DAPK1: variants seen among roughly 807,000 people sequenced by gnomAD.
The protein encoded by DAPK1 is death associated protein kinase 1.
In DAPK1, 56 loss-of-function variants were observed where a neutral mutation model predicts 144.9. The observed-to-expected ratio is 0.39, with a 90% CI of 0.31 to 0.48. The LOEUF is 0.48. Among genes scored for constraint, DAPK1 ranks in the 20% least tolerant of loss-of-function variants. The probability of loss-of-function intolerance (pLI) is 0.95; values close to 1 mark genes in which losing one functional copy is unlikely to be tolerated. For synonymous variants in DAPK1, 690 were observed against 749.0 expected (o/e 0.92, Z 1.29); for missense variants, 1,454 against 1,875.4 (o/e 0.78, Z 4.15).
At chr9:87,704,801 G>C (rs890229832) in intron 25 of DAPK1, among the ~76,000 whole-genome samples, 14 of 152,182 alleles carry the variant, frequency 9.2e-5, no homozygotes, top group Non-Finnish European at 1.8e-4. Flanking sequence ...GTTTAAGCCA[G>C]ACTGTGGGCA....
intron 10 of DAPK1, 54 bp from the exon 11 acceptor site, chr9:87,643,322 C>T (rs1830158275): frequency 5.4e-6 from 6 of 1,109,644 alleles, no homozygotes; most frequent in Non-Finnish European, 7.7e-6. Context: ...CTCCTCTCAC[C>T]CTGCCTTTTT....
intron 2 of DAPK1, among the ~76,000 whole-genome samples, chr9:87,525,810 C>T (rs1244641514): frequency 6.6e-6 from 1 of 152,122 alleles, no homozygotes; most frequent in Admixed American, 6.5e-5. Flanking sequence ...CTCCCTCTTG[C>T]CTTCTGCCTG....
intron 2 of DAPK1, among the ~76,000 whole-genome samples, chr9:87,604,045 C>T (rs1828622136): frequency 6.6e-6 from 1 of 152,132 alleles, no homozygotes; most frequent in Admixed American, 6.5e-5. Flanking sequence ...CGGGGCTGAT[C>T]CAGTGACTCC....
At chr9:87,559,305 C>G (rs1400971691) in intron 2 of DAPK1, among the ~76,000 whole-genome samples, 2 of 150,724 alleles carry the variant, frequency 1.3e-5, no homozygotes, top group Non-Finnish European at 2.9e-5. Flanking sequence ...CTAGGGTAGG[C>G]TAGGCTAGGG....
At chr9:87,636,023 GT>G (rs376215678) in intron 3 of DAPK1, among the ~76,000 whole-genome samples, 10 of 152,170 alleles carry the variant, frequency 6.6e-5, no homozygotes, top group African/African-American at 2.4e-4. Context: ...CCCGTTGTTT[GT>G]TTTAAGAATA....
chr9:87,553,014 T>C (rs1333282545), intron 2 of DAPK1, among the ~76,000 whole-genome samples: 1 of 152,152 alleles, frequency 6.6e-6, no homozygotes, highest in East Asian at 1.9e-4. Context: ...CATCCCAAGC[T>C]GAAACTGTGT....
rs1829176792 is a variant in DAPK1 at position 87,618,480 on chromosome 9, G to A, written c.284+13305G>A. ...TATTTCCACATGAAAACTTACACAT[G>A]AAAGTGGTAGAAGTATTATTCATAC... On this transcript the variant is annotated intron_variant, in intron 3 of 25. Transcript: ENST00000408954. Among the ~76,000 whole-genome samples, 3 of 152,296 alleles carry A rather than the reference G, an allele frequency of 2.0e-5. No homozygotes were observed. In the South Asian group the frequency reaches 6.2e-4, roughly 32 times the overall value.
chr9:87,659,678 CCCTCCGTGCA>C (rs1163355895), intron 18 of DAPK1, among the ~76,000 whole-genome samples: 2 of 152,188 alleles, frequency 1.3e-5, no homozygotes, highest in Non-Finnish European at 2.9e-5. Flanking sequence ...CTCCTCAGGT[CCCTCCGTGCA>C]CCTCCTTGCT....
At chr9:87,702,449 G>A (rs1825486695) in intron 24 of DAPK1, among the ~76,000 whole-genome samples, 1 of 152,154 alleles carries the variant, frequency 6.6e-6, no homozygotes, top group Non-Finnish European at 1.5e-5. Flanking sequence ...TAATATTGAT[G>A]ATGATACTCA....
chr9:87,540,680 A>G (rs1445055176), intron 2 of DAPK1, among the ~76,000 whole-genome samples: 13 of 152,192 alleles, frequency 8.5e-5, no homozygotes. Context: ...AAGCTGTGAA[A>G]TCAGTCTGCC....
chr9:87,610,153 A>G (rs369917561), intron 3 of DAPK1, among the ~76,000 whole-genome samples: 283 of 152,346 alleles, frequency 1.9e-3, no homozygotes, highest in African/African-American at 6.5e-3. Flanking sequence ...TTAAAGGCAT[A>G]TGTTTTTCCC....
intron 2 of DAPK1, among the ~76,000 whole-genome samples, chr9:87,542,613 C>T (rs1395929670): frequency 1.3e-5 from 2 of 152,206 alleles, no homozygotes; most frequent in African/African-American, 4.8e-5. Context: ...TTGGCTTACA[C>T]TCAGTGACTT....
In DAPK1 at chr9:87,606,575, CCCTT is replaced by C. The variant is rs1307599154; in HGVS notation, c.284+1420_284+1423del. Reference sequence around the variant, plus strand: ...CTCCCTCTCTCCCTCCCTCCGTCTCCCCTTCCTTCCTTCCTTCCTTCCTCCCTCC... The same window carrying C: ...CTCCCTCTCTCCCTCCCTCCGTCTCCCCTTCCTTCCTTCCTTCCTCCCTCC... On this transcript the variant is annotated intron_variant, in intron 3 of 25. Coordinates refer to ENST00000408954, the MANE Select transcript of DAPK1 (RefSeq NM_004938.4). Among the ~76,000 whole-genome samples the C allele has an allele frequency of 3.8e-3, 318 of 83,264 alleles. 3 individuals carry two copies. Among genetic ancestry groups the C allele is most frequent in the African/African-American group, 0.014 (247 of 18,062 alleles). The allele number at this position is 83,264 out of a possible 152,430, so 54.6% of individuals were successfully genotyped here. A position where few individuals can be genotyped will look rare whatever the true frequency, so the allele number is the denominator to read the frequency against.
intron 2 of DAPK1, among the ~76,000 whole-genome samples, chr9:87,563,427 T>A (rs754643812): frequency 6.6e-6 from 1 of 152,244 alleles, no homozygotes; most frequent in Middle Eastern, 3.4e-3. Flanking sequence ...CTGGGATGGG[T>A]TGTAGTGTTC....
At chr9:87,538,570 A>G (rs1825936727) in intron 2 of DAPK1, among the ~76,000 whole-genome samples, 1 of 152,168 alleles carries the variant, frequency 6.6e-6, no homozygotes, top group Non-Finnish European at 1.5e-5. Flanking sequence ...TGTCTTTGAG[A>G]CGGGTTGTTA....
rs928097934 is a variant in DAPK1 at position 87,707,930 on chromosome 9, G to T, written c.*566G>T. 2.2e-6 allele frequency: 1 copy of T among 454,638 alleles called. No homozygotes were observed. The highest frequency in any genetic ancestry group is 7.0e-5 in the East Asian group (1 of 14,366). 28.2% of individuals were successfully genotyped at this position (454,638 alleles called of 1,614,324 possible). A position where few individuals can be genotyped will look rare whatever the true frequency, so the allele number is the denominator to read the frequency against. ...GAAGAGGGTGTGTTTGAAATCATCGGAGTCAGCCAGGAGCTGTCACCAAGG... is the reference window on the plus strand; with the variant it reads ...GAAGAGGGTGTGTTTGAAATCATCGTAGTCAGCCAGGAGCTGTCACCAAGG... On this transcript the variant is annotated 3_prime_UTR_variant, in exon 26 of 26. Coordinates refer to ENST00000408954, the MANE Select transcript of DAPK1 (RefSeq NM_004938.4). The surrounding 1 kb of genome is among the most constrained non-coding windows in gnomAD (Gnocchi z 4.0).
chr9:87,611,471 T>A (rs1371691590), intron 3 of DAPK1, among the ~76,000 whole-genome samples: 1 of 152,182 alleles, frequency 6.6e-6, no homozygotes, highest in Non-Finnish European at 1.5e-5. Flanking sequence ...TTTTGGTTTT[T>A]TTCTTGAGAC....
At chr9:87,653,591 T>C (rs1830533556) in intron 17 of DAPK1, among the ~76,000 whole-genome samples, 1 of 152,206 alleles carries the variant, frequency 6.6e-6, no homozygotes, top group Non-Finnish European at 1.5e-5. Flanking sequence ...GTAACATCTT[T>C]CTAGAGCACT....
Position 87,555,942 on chromosome 9 carries a change from G to T in DAPK1, c.63-49012G>T, listed in dbSNP as rs576690447. 9.2e-5 allele frequency among the ~76,000 whole-genome samples: 14 copies of T among 152,354 alleles called. No homozygotes were observed. The South Asian group carries it at 2.9e-3, about 32-fold the overall frequency. ...TGCATGGGAAAATTATTATTTAGAG[G>T]AATGGAAGTAGTCACTAGTACGTGT... On this transcript the variant is annotated intron_variant, in intron 2 of 25. Coordinates refer to ENST00000408954, the MANE Select transcript of DAPK1 (RefSeq NM_004938.4).
Sources: gnomAD v4.1 joint callset for allele counts (sites outside exome capture counted in the v4.1 genomes callset) on GRCh38, gnomAD v4.1.1 for gene constraint, Gnocchi (gnomAD v3.1) non-coding constraint, MANE v1.5 for transcripts, NCBI Gene and HGNC (gene_info 2026-07-23, HGNC 2026-07-21) for gene names.